Variants in ABR observed in about 807,000 individuals in gnomAD.
ABR encodes ABR activator of RhoGEF and GTPase.
A neutral mutation model predicts 107.2 loss-of-function variants in ABR; 35 were observed. The observed-to-expected ratio is 0.33, with a 90% CI of 0.25 to 0.43. The LOEUF (loss-of-function observed/expected upper bound fraction) is 0.43. Ranked by LOEUF, ABR falls within the 20% of genes least tolerant of loss-of-function variation. ABR has a pLI of 1.00. For missense variants in ABR, 815 were observed against 1,115.2 expected (o/e 0.73, Z 3.83); for synonymous variants, 498 against 462.0 (o/e 1.08, Z -1.00).
rs532442771 is a variant in ABR at position 1,154,613 on chromosome 17, C to G, written c.61+25054G>C. 6.6e-6 allele frequency: 1 copy of G among 152,414 alleles called. No homozygotes were observed. The highest frequency in any genetic ancestry group is 2.4e-5 in the African/African-American group (1 of 41,416). The allele number at this position is 152,414 out of a possible 1,614,324, so 9.4% of individuals were successfully genotyped here. A position where few individuals can be genotyped will look rare whatever the true frequency, so the allele number is the denominator to read the frequency against. Reference sequence around the variant, plus strand: ...ATCCACATCCCCCAATTTCATGGAACGAGCACACAGAAAGGATGGGGGTCA... The same window carrying G: ...ATCCACATCCCCCAATTTCATGGAAGGAGCACACAGAAAGGATGGGGGTCA... On this transcript the variant is annotated intron_variant, in intron 1 of 22. Coordinates refer to ENST00000302538, the MANE Select transcript of ABR (RefSeq NM_021962.5). This position sits in a 1 kb window ranked among gnomAD's most constrained non-coding sequence, Gnocchi z 4.0.
At chr17:1,155,154 A>C (rs548358860) in intron 1 of ABR, among the ~76,000 whole-genome samples, 1 of 152,108 alleles carries the variant, frequency 6.6e-6, no homozygotes, top group South Asian at 2.1e-4. Flanking sequence ...CTCCAGGATG[A>C]CTGGAGCAGA....
intron 1 of ABR, among the ~76,000 whole-genome samples, chr17:1,162,492 A>G (rs967746569): frequency 6.6e-6 from 1 of 152,174 alleles, no homozygotes; most frequent in African/African-American, 2.4e-5. Context: ...ACTGTGGGCC[A>G]CCCGGGCTGT....
At chr17:1,075,812 C>T (rs956832031) in intron 6 of ABR, among the ~76,000 whole-genome samples, 2 of 152,088 alleles carry the variant, frequency 1.3e-5, no homozygotes, top group African/African-American at 4.8e-5. Context: ...GAGGCCGAAG[C>T]GGGTGGATCA....
At chr17:1,197,197 T>G (rs2042587213) in intron 1 of ABR, among the ~76,000 whole-genome samples, 1 of 151,678 alleles carries the variant, frequency 6.6e-6, no homozygotes. Flanking sequence ...CAAGGAGCAC[T>G]TTAAGGAGAG....
chr17:1,176,518 CAG>C (rs1226962387), intron 1 of ABR, among the ~76,000 whole-genome samples: 2 of 152,190 alleles, frequency 1.3e-5, no homozygotes, highest in African/African-American at 4.8e-5. Flanking sequence ...GTAAGAGTTG[CAG>C]AGTTGTGAGA....
At chr17:1,074,624 T>G (rs558252148) in intron 6 of ABR, among the ~76,000 whole-genome samples, 5 of 152,304 alleles carry the variant, frequency 3.3e-5, no homozygotes, top group Non-Finnish European at 5.9e-5. Flanking sequence ...GCCTCATCTC[T>G]CAGAGGAAAG....
intron 1 of ABR, among the ~76,000 whole-genome samples, chr17:1,135,056 G>A (rs950264707): frequency 1.5e-4 from 23 of 152,236 alleles, no homozygotes; most frequent in African/African-American, 5.5e-4. Flanking sequence ...CTGTGTGGGT[G>A]CCTGCCAGGC....
At chr17:1,059,138 T>C (rs1470157624) in intron 10 of ABR, among the ~76,000 whole-genome samples, 1 of 152,010 alleles carries the variant, frequency 6.6e-6, no homozygotes, top group East Asian at 1.9e-4. Context: ...CCCAACCACC[T>C]TCTCTACCTG....
At chr17:1,195,212 C>T (rs1242985746) in intron 1 of ABR, among the ~76,000 whole-genome samples, 7 of 142,852 alleles carry the variant, frequency 4.9e-5, no homozygotes, top group Non-Finnish European at 7.5e-5. Context: ...GAGGCTGAGG[C>T]AGGAGAATGG....
At chr17:1,006,302 GTT>G (rs769699100) in intron 22 of ABR, 133 bp from the exon 23 acceptor site, 9 of 823,278 alleles carry the variant, frequency 1.1e-5, no homozygotes, top group Non-Finnish European at 1.2e-5. Context: ...GCCCAGGTGT[GTT>G]TGCCTTTCTG....
rs1339840058 is a variant in ABR, at chr17:1,150,004, C to T, written c.62-24637G>A. ...GAAGTTCTAAGAACAGGGCCTGGCA[C>T]GTGGTATAACGTTAGTGGCTGTTAT... is the stretch of plus-strand genomic sequence containing the variant. On this transcript the variant is annotated intron_variant, in intron 1 of 22. Transcript: ENST00000302538. The surrounding 1 kb of genome is among the most constrained non-coding windows in gnomAD (Gnocchi z 4.8). Among the ~76,000 whole-genome samples the T allele has an allele frequency of 2.6e-5, 4 of 152,270 alleles. 1 individual carries two copies. Among genetic ancestry groups the T allele is most frequent in the Non-Finnish European group, 2.9e-5 (2 of 68,006 alleles).
intron 1 of ABR, among the ~76,000 whole-genome samples, chr17:1,207,313 A>G (rs1598126977): frequency 1.3e-5 from 2 of 151,960 alleles, no homozygotes; most frequent in East Asian, 3.9e-4. Flanking sequence ...AATTGGATCA[A>G]CTTTTCTGAA....
chr17:1,071,142 C>A lies in ABR; in HGVS notation c.895-1052G>T, dbSNP rs147585589. On this transcript the variant is annotated intron_variant, in intron 8 of 22. Transcript: ENST00000302538. The surrounding 1 kb of genome is among the most constrained non-coding windows in gnomAD (Gnocchi z 5.1). ...TCACGCCATTGCACTCCAGCCTGGA[C>A]GATGGAATGAGATTCAGTCTCAAAA... Among the ~76,000 whole-genome samples, 1 of 152,042 alleles carries A rather than the reference C, an allele frequency of 6.6e-6. No homozygotes were observed. Among genetic ancestry groups the A allele is most frequent in the East Asian group, 1.9e-4 (1 of 5,188 alleles).
At chr17:1,081,138 G>A (rs915286216) in intron 5 of ABR, among the ~76,000 whole-genome samples, 1 of 152,216 alleles carries the variant, frequency 6.6e-6, no homozygotes, top group Non-Finnish European at 1.5e-5. Context: ...CCGGGATCTT[G>A]GGCGGCCTTG....
intron 7 of ABR, among the ~76,000 whole-genome samples, chr17:1,073,339 C>T (rs2035408702): frequency 6.6e-6 from 1 of 152,114 alleles, no homozygotes; most frequent in Admixed American, 6.6e-5. Flanking sequence ...CTGTGTCTGC[C>T]CTGCAGCTGC....
chr17:1,013,024 C>T, intron 17 of ABR, 81 bp downstream of exon 17: 1 of 1,543,198 alleles, frequency 6.5e-7, no homozygotes, highest in South Asian at 1.1e-5. Context: ...CAGGAGCAGC[C>T]ACAGGGCCGG....
upstream of ABR, chr17:1,180,020 TG>T (rs1230089647): frequency 1.0e-4 from 2 of 19,986 alleles, no homozygotes; most frequent in Admixed American, 1.5e-3. Flanking sequence ...GGCTTCGTGG[TG>T]GGGCGGGGCT....
At chr17:1,104,638 C>G (rs970553211) in intron 2 of ABR, among the ~76,000 whole-genome samples, 7 of 152,242 alleles carry the variant, frequency 4.6e-5, no homozygotes, top group African/African-American at 1.7e-4. Flanking sequence ...GCATCAACCT[C>G]AGGACAACTG....
chr17:1,018,359 A>ATTGACACAT (rs1041164717), intron 16 of ABR, among the ~76,000 whole-genome samples: 2 of 152,078 alleles, frequency 1.3e-5, no homozygotes, highest in African/African-American at 4.8e-5. Context: ...TTATTTTTTA[A>ATTGACACAT]TTGACACATT....
Sources: allele counts gnomAD v4.1 joint callset (sites outside exome capture counted in the v4.1 genomes callset), GRCh38; gene constraint gnomAD v4.1.1; non-coding constraint Gnocchi (gnomAD v3.1); transcripts MANE v1.5; gene names NCBI Gene and HGNC (gene_info 2026-07-23, HGNC 2026-07-21).